The following AHDC1 variants were observed in gnomAD, a reference collection of about 807,000 sequenced individuals.
AHDC1 encodes the protein AT-hook DNA binding motif containing 1, also known as transcription factor Gibbin.
AHDC1 carries 7 observed loss-of-function variants against 87.9 expected under a neutral mutation model. The observed-to-expected ratio is 0.08, with a 90% CI of 0.05 to 0.15. The LOEUF (loss-of-function observed/expected upper bound fraction) is 0.15. Ranked by LOEUF, AHDC1 falls within the 10% of genes least tolerant of loss-of-function variation. The probability of loss-of-function intolerance (pLI) is 1.00; values close to 1 mark genes in which losing one functional copy is unlikely to be tolerated. For missense variants in AHDC1, 1,841 were observed against 2,253.2 expected (o/e 0.82, Z 3.70); for synonymous variants, 1,051 against 1,006.8 (o/e 1.04, Z -0.83).
rs114150713 is a variant in AHDC1, at chr1:27,561,083, C to G, written c.-628-2200G>C. On this transcript the variant is annotated intron_variant, in intron 3 of 8. Transcript: ENST00000673934. This position sits in a 1 kb window ranked among gnomAD's most constrained non-coding sequence, Gnocchi z 4.2. ...GAGCCTCCCTCCTCTGATCTGTCCC[C>G]CCTTTCCCTGTGGTTGGGTGGGCAC... 2.3e-3 allele frequency among the ~76,000 whole-genome samples: 350 copies of G among 152,354 alleles called. 2 individuals are homozygous for G. Among genetic ancestry groups the G allele is most frequent in the African/African-American group, 8.2e-3 (342 of 41,570 alleles).
chr1:27,571,217 G>C (rs1400585394), intron 3 of AHDC1, among the ~76,000 whole-genome samples: 1 of 152,138 alleles, frequency 6.6e-6, no homozygotes, highest in Non-Finnish European at 1.5e-5. Flanking sequence ...CACCCCAAAT[G>C]TCCCATCTCA....
chr1:27,556,563 C>T (rs184290899), intron 5 of AHDC1, among the ~76,000 whole-genome samples: 1 of 152,190 alleles, frequency 6.6e-6, no homozygotes, highest in African/African-American at 2.4e-5. Flanking sequence ...CTTCTTTCAA[C>T]CTGATCCCAG....
chr1:27,602,739 C>A (rs1301471580), intron 3 of AHDC1, among the ~76,000 whole-genome samples: 1 of 152,140 alleles, frequency 6.6e-6, no homozygotes. Context: ...AAAAGTGAGC[C>A]GACTTTGTTC....
chr1:27,591,123 A>G (rs148518006), intron 3 of AHDC1, among the ~76,000 whole-genome samples: 241 of 152,302 alleles, frequency 1.6e-3, no homozygotes, highest in African/African-American at 5.5e-3. Flanking sequence ...TTCCACCCCA[A>G]TGGGTTCCAA....
intron 3 of AHDC1, among the ~76,000 whole-genome samples, chr1:27,575,789 C>T (rs1451840176): frequency 6.7e-6 from 1 of 150,022 alleles, no homozygotes; most frequent in African/African-American, 2.4e-5. Context: ...CAGCCCCGAC[C>T]GGGGGCTATT....
chr1:27,542,643 G>A (rs1445641490), intron 8 of AHDC1, among the ~76,000 whole-genome samples: 1 of 152,220 alleles, frequency 6.6e-6, no homozygotes, highest in Non-Finnish European at 1.5e-5. Flanking sequence ...CAGGTGACAT[G>A]ACTCACCAGG....
rs1043907976 is a variant in AHDC1, at chr1:27,562,017, G to A, written c.-628-3134C>T. Among the ~76,000 whole-genome samples the A allele has an allele frequency of 8.9e-4, 136 of 152,196 alleles. No homozygotes were observed. Among genetic ancestry groups the A allele is most frequent in the African/African-American group, 3.0e-3 (126 of 41,498 alleles). Reference sequence around the variant, plus strand: ...AGAGCCCCAGAGGGGAGAGAGGCACGGGGGAAGCGAGCCAGGCAGAGATGG... The same window carrying A: ...AGAGCCCCAGAGGGGAGAGAGGCACAGGGGAAGCGAGCCAGGCAGAGATGG... On this transcript the variant is annotated intron_variant, in intron 3 of 8. Transcript: ENST00000673934. The surrounding 1 kb of genome is among the most constrained non-coding windows in gnomAD (Gnocchi z 4.4).
At chr1:27,578,898 A>C (rs2088832145) in intron 3 of AHDC1, among the ~76,000 whole-genome samples, 1 of 151,914 alleles carries the variant, frequency 6.6e-6, no homozygotes, top group South Asian at 2.1e-4. Context: ...GGGTTTTACT[A>C]TGTTGGCCAG....
intron 3 of AHDC1, among the ~76,000 whole-genome samples, chr1:27,572,153 G>C (rs1405047945): frequency 6.6e-6 from 1 of 152,148 alleles, no homozygotes; most frequent in Non-Finnish European, 1.5e-5. Context: ...GGGTGGAATT[G>C]GTTCTGGAGG....
At chr1:27,599,114 C>T (rs1166511618) in intron 3 of AHDC1, among the ~76,000 whole-genome samples, 1 of 152,198 alleles carries the variant, frequency 6.6e-6, no homozygotes, top group Non-Finnish European at 1.5e-5. Flanking sequence ...GGGGCAGAAT[C>T]AGGCTCCTTC....
intron 3 of AHDC1, among the ~76,000 whole-genome samples, chr1:27,589,553 A>G (rs549850267): frequency 4.2e-4 from 64 of 152,242 alleles, no homozygotes; most frequent in Non-Finnish European, 8.2e-4. Flanking sequence ...GTGAGGGCAC[A>G]TTGTGCTTTT....
upstream of AHDC1, chr1:27,604,189 G>C (rs1236426388): frequency 6.6e-6 from 1 of 152,258 alleles, no homozygotes; most frequent in Admixed American, 6.6e-5. Context: ...GAACCCCAGG[G>C]GGGAGCGCGC....
chr1:27,573,951 T>C (rs2088623990), intron 3 of AHDC1, among the ~76,000 whole-genome samples: 3 of 152,178 alleles, frequency 2.0e-5, no homozygotes. Context: ...TCTTTCCCAG[T>C]GGACATGGAA....
intron 3 of AHDC1, among the ~76,000 whole-genome samples, chr1:27,586,755 C>T (rs1009839633): frequency 4.7e-4 from 71 of 152,314 alleles, no homozygotes; most frequent in African/African-American, 3.4e-4. Context: ...CCTCCTGGCT[C>T]CTTATCCCCA....
intron 3 of AHDC1, among the ~76,000 whole-genome samples, chr1:27,592,133 A>C (rs1277568271): frequency 6.6e-6 from 1 of 152,164 alleles, no homozygotes; most frequent in Non-Finnish European, 1.5e-5. Flanking sequence ...CCCCTCCACA[A>C]GTAATAAGCC....
Position 27,560,415 on chromosome 1 carries a change from TG to T in AHDC1, c.-628-1533del, listed in dbSNP as rs1257878233. On this transcript the variant is annotated intron_variant, in intron 3 of 8. Coordinates refer to ENST00000673934, the MANE Select transcript of AHDC1 (RefSeq NM_001371928.1). The surrounding 1 kb of genome is among the most constrained non-coding windows in gnomAD (Gnocchi z 4.1). Reference sequence around the variant, plus strand: ...TCTCAGAGCTCTCTGGATGTGTGTTTGGCAGGGGGTGGGGGCGTGAGGCTGA... The same window carrying T: ...TCTCAGAGCTCTCTGGATGTGTGTTTGCAGGGGGTGGGGGCGTGAGGCTGA... Among the ~76,000 whole-genome samples, 1 of 152,088 alleles carries T rather than the reference TG, an allele frequency of 6.6e-6. No individual in the cohort carries two copies. The highest frequency in any genetic ancestry group is 1.9e-4 in the East Asian group (1 of 5,190).
intron 5 of AHDC1, among the ~76,000 whole-genome samples, chr1:27,556,991 C>CAACAG (rs1553160869): frequency 1.3e-5 from 2 of 150,560 alleles, no homozygotes; most frequent in African/African-American, 4.9e-5. Context: ...CAGGGCCCCC[C>CAACAG]CACAGCACAG....
Position 27,548,395 on chromosome 1 carries a change from G to T in AHDC1, c.3721C>A (p.Leu1241Met), listed in dbSNP as rs1163136140. 6.2e-7 allele frequency: 1 copy of T among 1,609,266 alleles called. No individual in the cohort carries two copies. The highest frequency in any genetic ancestry group is 1.3e-5 in the African/African-American group (1 of 74,862). The part of the protein sequence containing the change: ...PGRGRRKKVD[L>M]FEASHLGFPT... The stretch of plus-strand genomic sequence containing the variant: ...AAGCCCAGATGTGAGGCCTCGAACA[G>T]GTCCACCTTCTTCCGCCGTCCACGG... The change falls in exon 8 of 9, where the codon CTG (leucine) becomes ATG (methionine). Residue 1241 changes from leucine to methionine, a missense_variant. By Grantham distance (15) the Leu-to-Met change is conservative. Coordinates refer to ENST00000673934, the MANE Select transcript of AHDC1 (RefSeq NM_001371928.1).
chr1:27,581,253 C>G (rs1359087731), intron 3 of AHDC1, among the ~76,000 whole-genome samples: 2 of 152,142 alleles, frequency 1.3e-5, no homozygotes, highest in Non-Finnish European at 2.9e-5. Flanking sequence ...CCTCAGCCTC[C>G]CAAGTAGCTG....
Sources: gnomAD v4.1 joint callset for allele counts (sites outside exome capture counted in the v4.1 genomes callset) on GRCh38, gnomAD v4.1.1 for gene constraint, Gnocchi (gnomAD v3.1) non-coding constraint, MANE v1.5 for transcripts, NCBI Gene and HGNC (gene_info 2026-07-23, HGNC 2026-07-21) for gene names.